Variants in PCDHGB1 observed in about 807,000 individuals in gnomAD.
The protein encoded by PCDHGB1 is protocadherin gamma-B1.
In PCDHGB1, 34 loss-of-function variants were observed where a neutral mutation model predicts 56.6. The ratio of observed to expected loss-of-function variants is 0.60; its 90% CI spans 0.46 to 0.80. The LOEUF is 0.80. Ranked by LOEUF, PCDHGB1 falls within the 30% of genes least tolerant of loss-of-function variation. The probability of loss-of-function intolerance (pLI) is 0.00; values close to 1 mark genes in which losing one functional copy is unlikely to be tolerated. For synonymous variants in PCDHGB1, 561 were observed against 505.9 expected (o/e 1.11, Z -1.46); for missense variants, 1,278 against 1,204.6 (o/e 1.06, Z -0.90).
chr5:141,469,704 C>T (rs1038504640), intron 1 of PCDHGB1, among the ~76,000 whole-genome samples: 9 of 152,340 alleles, frequency 5.9e-5, no homozygotes, highest in African/African-American at 1.9e-4. Flanking sequence ...ACCTAGTAAT[C>T]ACACTATTAG....
At chr5:141,425,248 G>GGCTGGGAAA (rs2096864506) in intron 1 of PCDHGB1, among the ~76,000 whole-genome samples, 1 of 152,178 alleles carries the variant, frequency 6.6e-6, no homozygotes, top group Non-Finnish European at 1.5e-5. Context: ...AAAAGGATAT[G>GGCTGGGAAA]AGGTATTTGG....
chr5:141,422,494 T>G lies in PCDHGB1; in HGVS notation c.2409+69825T>G, dbSNP rs772798862. On this transcript the variant is annotated intron_variant, in intron 1 of 3. Transcript: ENST00000523390. ...GTTGGTCCAGAGCTACAATATAACG[T>G]TGACAGCCACAGACCAGGGAAGCCC... The G allele has an allele frequency of 3.5e-5, 56 of 1,613,848 alleles. No homozygotes were observed. Among genetic ancestry groups the G allele is most frequent in the Non-Finnish European group, 1.0e-5 (12 of 1,179,896 alleles).
intron 1 of PCDHGB1, among the ~76,000 whole-genome samples, chr5:141,466,180 AT>A (rs922532578): frequency 6.6e-6 from 1 of 151,138 alleles, no homozygotes; most frequent in Admixed American, 6.6e-5. Context: ...TTTTATTTTT[AT>A]TTTTTTTCAG....
At chr5:141,376,683 T>TTTTTTTG (rs1483837724) in intron 1 of PCDHGB1, 1 of 803,912 alleles carries the variant, frequency 1.2e-6, no homozygotes, top group African/African-American at 1.9e-5. Context: ...ATCGTTTTTT[T>TTTTTTTG]TTTTTTTTTT....
At chr5:141,366,085 C>A (rs938214198) in intron 1 of PCDHGB1, 6 of 1,614,150 alleles carry the variant, frequency 3.7e-6, no homozygotes, top group Non-Finnish European at 5.1e-6. Context: ...CAGAACCTGG[C>A]TACCTGGTGA....
At chr5:141,383,347 G>T in intron 1 of PCDHGB1, 1 of 1,614,012 alleles carries the variant, frequency 6.2e-7, no homozygotes, top group South Asian at 1.1e-5. Flanking sequence ...AGCTCCTGGG[G>T]TTCGGTTTCC....
At chr5:141,378,585 G>A (rs758641960) in intron 1 of PCDHGB1, 1 of 152,188 alleles carries the variant, frequency 6.6e-6, no homozygotes, top group South Asian at 2.1e-4. Flanking sequence ...ATGCTCGGTA[G>A]TGTCTGCTTA....
intron 1 of PCDHGB1, chr5:141,384,177 TG>T: frequency 6.2e-7 from 1 of 1,613,838 alleles, no homozygotes; most frequent in South Asian, 1.1e-5. Context: ...AAGCCACAGA[TG>T]GTGGAACTCC....
rs561329093 is a variant in PCDHGB1 at position 141,509,163 on chromosome 5, C to A, written c.2558-1784C>A. Among the ~76,000 whole-genome samples the A allele has an allele frequency of 1.4e-4, 21 of 152,322 alleles. No individual in the cohort carries two copies. In the South Asian group the frequency reaches 4.1e-3, roughly 30 times the overall value. On this transcript the variant is annotated intron_variant, in intron 3 of 3. Coordinates refer to ENST00000523390, the MANE Select transcript of PCDHGB1 (RefSeq NM_018922.3). ...CATCCCGGCTCTCCCCTCCCGTGTG[C>A]CCTCCTCCTCTTATGCCGGCTTGAA...
chr5:141,406,761 A>T (rs1327829124), intron 1 of PCDHGB1, among the ~76,000 whole-genome samples: 1 of 152,234 alleles, frequency 6.6e-6, no homozygotes. Flanking sequence ...ACAAGGAATT[A>T]AAAATATTTC....
At chr5:141,475,071 C>T (rs1198043142) in intron 1 of PCDHGB1, among the ~76,000 whole-genome samples, 2 of 152,198 alleles carry the variant, frequency 1.3e-5, no homozygotes, top group Non-Finnish European at 2.9e-5. Context: ...AGCTTTGCTG[C>T]CATTATTTCA....
At chr5:141,360,241 T>G (rs371403228) in intron 1 of PCDHGB1, 1 of 1,613,930 alleles carries the variant, frequency 6.2e-7, no homozygotes, top group Non-Finnish European at 8.5e-7. Flanking sequence ...GATCCGCTAT[T>G]CAATTCCAGA....
intron 1 of PCDHGB1, chr5:141,389,391 G>A (rs544096177): frequency 1.2e-6 from 2 of 1,613,686 alleles, no homozygotes; most frequent in East Asian, 2.2e-5. Flanking sequence ...GTCATCCTAC[G>A]TGTCCATAAG....
At chr5:141,364,236 A>G (rs1179027324) in intron 1 of PCDHGB1, 1 of 1,433,738 alleles carries the variant, frequency 7.0e-7, no homozygotes, top group Non-Finnish European at 9.3e-7. Flanking sequence ...CTCCACGCCC[A>G]TTTTCGTCAG....
At position 141,511,411 on chromosome 5, in the gene PCDHGB1, A is replaced by G; in HGVS notation, c.*238A>G. On this transcript the variant is annotated 3_prime_UTR_variant, in exon 4 of 4. Coordinates refer to ENST00000523390, the MANE Select transcript of PCDHGB1 (RefSeq NM_018922.3). ...GAACCCCCATCCAATCAACTGCTGT[A>G]CCCATGGGGGTAGTGGGGTTACTGT... The G allele has an allele frequency of 1.1e-6, 1 of 901,334 alleles. No homozygotes were observed. Among genetic ancestry groups the G allele is most frequent in the Non-Finnish European group, 1.6e-6 (1 of 617,750 alleles). The allele number at this position is 901,334 out of a possible 1,614,324, so 55.8% of individuals were successfully genotyped here. A position where few individuals can be genotyped will look rare whatever the true frequency, so the allele number is the denominator to read the frequency against.
intron 1 of PCDHGB1, chr5:141,413,669 A>C: frequency 6.2e-7 from 1 of 1,613,844 alleles, no homozygotes; most frequent in South Asian, 1.1e-5. Flanking sequence ...ATTGATCCGG[A>C]TGTGGGCGTG....
At chr5:141,381,820 C>CT (rs1279410534) in intron 1 of PCDHGB1, among the ~76,000 whole-genome samples, 1,304 of 119,684 alleles carry the variant, frequency 0.011, 14 homozygotes, top group African/African-American at 0.028. Context: ...TTCTTTCTTT[C>CT]TTCTTCTTTT....
At chr5:141,423,712 T>C (rs1231796741) in intron 1 of PCDHGB1, 2 of 1,313,518 alleles carry the variant, frequency 1.5e-6, no homozygotes, top group Admixed American at 3.2e-5. Flanking sequence ...CACAAGTCTT[T>C]TAAGGAGATG....
chr5:141,431,435 G>C lies in PCDHGB1; in HGVS notation c.2410-63372G>C, dbSNP rs376827063. The C allele has an allele frequency of 6.2e-7, 1 of 1,613,668 alleles. No homozygotes were observed. The highest frequency in any genetic ancestry group is 1.7e-5 in the Admixed American group (1 of 60,010). On this transcript the variant is annotated intron_variant, in intron 1 of 3. Coordinates refer to ENST00000523390, the MANE Select transcript of PCDHGB1 (RefSeq NM_018922.3). This position sits in a 1 kb window ranked among gnomAD's most constrained non-coding sequence, Gnocchi z 4.8. ...GGGCGACCCGGTGCGCACAGGCACC[G>C]CGCGCATCCGCGTGATGGTTCTGGA...
Sources: gnomAD v4.1 joint callset for allele counts (sites outside exome capture counted in the v4.1 genomes callset) on GRCh38, gnomAD v4.1.1 for gene constraint, Gnocchi (gnomAD v3.1) non-coding constraint, MANE v1.5 for transcripts, NCBI Gene and HGNC (gene_info 2026-07-23, HGNC 2026-07-21) for gene names.